The following HMCN1 variants were observed in gnomAD, a reference collection of about 807,000 sequenced individuals.
HMCN1 encodes hemicentin 1.
Under a neutral mutation model 625.9 loss-of-function variants are expected in HMCN1, and 321 were observed. That is an observed-to-expected ratio of 0.51 (90% CI 0.47 to 0.56). The LOEUF (loss-of-function observed/expected upper bound fraction) is 0.56. Ranked by LOEUF, HMCN1 falls within the 20% of genes least tolerant of loss-of-function variation. The pLI is 0.00. For missense variants in HMCN1, 6,588 were observed against 6,887.3 expected, an observed-to-expected ratio of 0.96 and a Z score of 1.54; for synonymous variants, 2,425 against 2,417.6, an observed-to-expected ratio of 1.00 and a Z score of -0.09.
chr1:185,806,189 C>T (rs1486439945), intron 1 of HMCN1, among the ~76,000 whole-genome samples: 1 of 151,796 alleles, frequency 6.6e-6, no homozygotes, highest in Non-Finnish European at 1.5e-5. Context: ...TCTATTTTAC[C>T]CCCATTTCAT....
At chr1:185,975,560 A>C (rs1651145353) in intron 15 of HMCN1, among the ~76,000 whole-genome samples, 1 of 152,128 alleles carries the variant, frequency 6.6e-6, no homozygotes, top group Non-Finnish European at 1.5e-5. Context: ...GGGGATTACG[A>C]TTCAACATGA....
intron 41 of HMCN1, among the ~76,000 whole-genome samples, chr1:186,046,766 T>C (rs921610828): frequency 2.6e-5 from 4 of 152,110 alleles, no homozygotes; most frequent in African/African-American, 9.7e-5. Flanking sequence ...AAAGTGAATG[T>C]TTGGAAATAA....
chr1:186,087,996 T>C lies in HMCN1; in HGVS notation c.9428T>C (p.Phe3143Ser). 1 of 1,613,192 alleles carries C rather than the reference T, an allele frequency of 6.2e-7. No homozygotes were observed. ...INVAGRDDKNFHLNVYVPPSI... is the reference protein window; with the variant it reads ...INVAGRDDKNSHLNVYVPPSI... ...GTAGCAGGACGGGATGATAAAAATT[T>C]CCACCTCAATGTATATGGTGAGCAT... Residue 3143 changes from phenylalanine to serine, a missense_variant, in exon 61 of 107, where the codon TTC (phenylalanine) becomes TCC (serine). Coordinates refer to ENST00000271588, the MANE Select transcript of HMCN1 (RefSeq NM_031935.3).
intron 2 of HMCN1, among the ~76,000 whole-genome samples, chr1:185,853,685 C>T (rs75547148): frequency 0.027 from 4,073 of 152,238 alleles, 163 homozygotes; most frequent in African/African-American, 0.087. Flanking sequence ...GTACCCTATC[C>T]AGAAGCAAAT....
chr1:185,916,078 G>A (rs544029689), intron 6 of HMCN1, among the ~76,000 whole-genome samples: 4 of 152,018 alleles, frequency 2.6e-5, no homozygotes, highest in Non-Finnish European at 5.9e-5. Context: ...ATGTGTGTGT[G>A]TGTGTGTGTA....
intron 97 of HMCN1, among the ~76,000 whole-genome samples, chr1:186,161,558 C>T (rs2102606086): frequency 6.6e-6 from 1 of 152,006 alleles, no homozygotes; most frequent in African/African-American, 2.4e-5. Flanking sequence ...GCAGCTGGTA[C>T]CAGTTGTTCC....
At chr1:185,871,719 T>G (rs557545803) in intron 4 of HMCN1, among the ~76,000 whole-genome samples, 8 of 152,018 alleles carry the variant, frequency 5.3e-5, no homozygotes, top group African/African-American at 1.9e-4. Flanking sequence ...TTATTTCTCT[T>G]GCTAGTTTTT....
intron 16 of HMCN1, among the ~76,000 whole-genome samples, chr1:185,979,702 C>A (rs1256301295): frequency 6.6e-6 from 1 of 152,094 alleles, no homozygotes; most frequent in African/African-American, 2.4e-5. Flanking sequence ...CCTTAATTTA[C>A]CAGATGCAGT....
intron 4 of HMCN1, among the ~76,000 whole-genome samples, chr1:185,868,825 T>G (rs1663430537): frequency 6.6e-6 from 1 of 152,218 alleles, no homozygotes; most frequent in East Asian, 1.9e-4. Flanking sequence ...TCAGAAAATT[T>G]TATAAATATG....
intron 105 of HMCN1, among the ~76,000 whole-genome samples, chr1:186,185,955 T>A (rs550204072): frequency 6.6e-6 from 1 of 152,322 alleles, no homozygotes; most frequent in South Asian, 2.1e-4. Flanking sequence ...TATACTTTAC[T>A]CATACTTTAA....
intron 58 of HMCN1, 56 bp from the exon 59 acceptor site, chr1:186,087,161 T>C (rs1659547388): frequency 3.8e-6 from 4 of 1,059,794 alleles, no homozygotes; most frequent in African/African-American, 1.6e-5. Flanking sequence ...ATTGGTAAAA[T>C]AGTTGTTAGA....
intron 56 of HMCN1, 120 bp downstream of exon 56, chr1:186,081,514 A>G (rs1250986313): frequency 2.0e-5 from 14 of 714,046 alleles, no homozygotes; most frequent in Non-Finnish European, 3.2e-5. Flanking sequence ...TGTAAAAATA[A>G]CCAACCATCA....
chr1:186,093,723 G>A, intron 66 of HMCN1, 54 bp downstream of exon 66: 1 of 1,605,338 alleles, frequency 6.2e-7, no homozygotes, highest in Non-Finnish European at 8.5e-7. Flanking sequence ...TGTGATTGTA[G>A]ACTTTTCCTT....
intron 80 of HMCN1, among the ~76,000 whole-genome samples, chr1:186,122,333 A>T (rs1661434610): frequency 6.6e-6 from 1 of 152,176 alleles, no homozygotes; most frequent in Non-Finnish European, 1.5e-5. Context: ...TGAATAGAAT[A>T]TCCAGGCTAA....
chr1:186,065,464 C>A, intron 49 of HMCN1, 35 bp downstream of exon 49: 7 of 1,460,046 alleles, frequency 4.8e-6, no homozygotes, highest in South Asian at 1.3e-5. Flanking sequence ...CTTAAAGAAT[C>A]TGACATGACT....
chr1:185,931,474 G>T (rs1667545183), intron 10 of HMCN1, among the ~76,000 whole-genome samples: 1 of 152,168 alleles, frequency 6.6e-6, no homozygotes, highest in Non-Finnish European at 1.5e-5. Flanking sequence ...TATTTAGGCA[G>T]TGGTGGTGTC....
chr1:186,131,046 G>C (rs991909293), intron 85 of HMCN1, among the ~76,000 whole-genome samples: 1 of 152,072 alleles, frequency 6.6e-6, no homozygotes, highest in Admixed American at 6.6e-5. Flanking sequence ...AACTATATTA[G>C]GCTTTTCCAA....
In HMCN1 at chr1:185,768,683, C is replaced by T. The variant is rs535027868; in HGVS notation, c.268+33636C>T. Among the ~76,000 whole-genome samples, 192 of 152,308 alleles carry T rather than the reference C, an allele frequency of 1.3e-3. 1 individual carries two copies. Among genetic ancestry groups the T allele is most frequent in the Non-Finnish European group, 4.3e-4 (29 of 68,018 alleles). On this transcript the variant is annotated intron_variant, in intron 1 of 106. Transcript: ENST00000271588. ...TGGTTTGGCTGGGTGTGGCGGCTCA[C>T]GCCTGTGATCCTAGCACTTTGGGAG...
At chr1:186,165,057 C>A in intron 97 of HMCN1, 54 bp from the exon 98 acceptor site, 2 of 1,483,524 alleles carry the variant, frequency 1.3e-6, no homozygotes, top group Non-Finnish European at 1.9e-6. Flanking sequence ...TGGAAAGAAG[C>A]CAGGGGCAAC....
Sources: allele counts gnomAD v4.1 joint callset (sites outside exome capture counted in the v4.1 genomes callset), GRCh38; gene constraint gnomAD v4.1.1; transcripts MANE v1.5; gene names NCBI Gene and HGNC (gene_info 2026-07-23, HGNC 2026-07-21).